Variants in NCOA7 observed in about 807,000 individuals in gnomAD.
NCOA7 encodes 140 kDa estrogen receptor-associated protein.
In NCOA7, 45 loss-of-function variants were observed where a neutral mutation model predicts 104.3. The observed-to-expected ratio is 0.43, with a 90% confidence interval of 0.34 to 0.55. The LOEUF is 0.55. Ranked by LOEUF, NCOA7 falls within the 20% of genes least tolerant of loss-of-function variation. NCOA7 has a pLI of 0.02. For synonymous variants in NCOA7, 398 were observed against 402.3 expected, an observed-to-expected ratio of 0.99 and a Z score of 0.13; for missense variants, 1,041 against 1,119.7, an observed-to-expected ratio of 0.93 and a Z score of 1.00.
Position 125,864,063 on chromosome 6 carries a change from A to C in NCOA7, c.271+8823A>C, listed in dbSNP as rs77321476. Among the ~76,000 whole-genome samples the C allele has an allele frequency of 1.2e-4, 16 of 137,488 alleles. 4 individuals are homozygous for C. The highest frequency in any genetic ancestry group is 6.2e-4 in the Admixed American group (9 of 14,524). The allele number at this position is 137,488 out of a possible 152,430, so 90.2% of individuals were successfully genotyped here. The stretch of plus-strand genomic sequence containing the variant: ...CTGTTTTTATCAAGACCCTTTTTGC[A>C]TACTCTTTGACCCAACAATTCTGTT... On this transcript the variant is annotated intron_variant, in intron 3 of 15. Transcript: ENST00000392477.
At chr6:125,856,811 C>T (rs894272707) in intron 3 of NCOA7, among the ~76,000 whole-genome samples, 16 of 152,170 alleles carry the variant, frequency 1.1e-4, no homozygotes, top group Admixed American at 6.5e-5. Flanking sequence ...GGCCTTGTAA[C>T]AGAGTAATGA....
intron 2 of NCOA7, among the ~76,000 whole-genome samples, chr6:125,825,730 A>T (rs1016387737): frequency 5.3e-5 from 8 of 151,908 alleles, no homozygotes; most frequent in African/African-American, 1.9e-4. Context: ...TGGCTCCAAC[A>T]TCTTTTTTTT....
At chr6:125,833,871 T>C (rs1029206109) in intron 2 of NCOA7, among the ~76,000 whole-genome samples, 1 of 152,206 alleles carries the variant, frequency 6.6e-6, no homozygotes, top group Admixed American at 6.5e-5. Flanking sequence ...AGAGAAATTA[T>C]AAAGTTAACA....
upstream of NCOA7, among the ~76,000 whole-genome samples, chr6:125,789,258 C>T (rs182067118): frequency 1.4e-3 from 214 of 152,320 alleles, no homozygotes; most frequent in African/African-American, 4.8e-3. Flanking sequence ...CCAAGTCACA[C>T]CCCACTGGGT....
chr6:125,902,661 A>T (rs1362547801), intron 10 of NCOA7, among the ~76,000 whole-genome samples: 1 of 152,160 alleles, frequency 6.6e-6, no homozygotes, highest in African/African-American at 2.4e-5. Flanking sequence ...CCAATTTTTC[A>T]TCAGATTTTC....
chr6:125,856,142 G>A (rs944874456), intron 3 of NCOA7, among the ~76,000 whole-genome samples: 13 of 152,126 alleles, frequency 8.5e-5, no homozygotes, highest in Admixed American at 8.5e-4. Flanking sequence ...ATCAGAACTT[G>A]GCGTGGCATA....
At chr6:125,900,949 A>T (rs151170829) in intron 10 of NCOA7, among the ~76,000 whole-genome samples, 1 of 152,192 alleles carries the variant, frequency 6.6e-6, no homozygotes, top group East Asian at 1.9e-4. Context: ...TTAGGACTGG[A>T]TTTTTAAAGG....
chr6:125,896,418 T>G (rs1014173551), intron 10 of NCOA7, among the ~76,000 whole-genome samples: 5 of 152,228 alleles, frequency 3.3e-5, no homozygotes, highest in African/African-American at 1.2e-4. Flanking sequence ...GAGTGAGCAC[T>G]TTTTATATAA....
chr6:125,789,292 G>A (rs992863078), upstream of NCOA7, among the ~76,000 whole-genome samples: 1 of 152,234 alleles, frequency 6.6e-6, no homozygotes, highest in Admixed American at 6.5e-5. Context: ...GCGCAGTGCA[G>A]CTCCCACAGG....
At chr6:125,903,830 C>T (rs530831509) in intron 10 of NCOA7, among the ~76,000 whole-genome samples, 7 of 152,020 alleles carry the variant, frequency 4.6e-5, no homozygotes, top group African/African-American at 1.7e-4. Flanking sequence ...CTCAGCCTCC[C>T]AAGTAGCTGG....
intron 2 of NCOA7, among the ~76,000 whole-genome samples, chr6:125,847,438 C>G (rs1583362664): frequency 6.6e-6 from 1 of 152,272 alleles, no homozygotes; most frequent in East Asian, 1.9e-4. Context: ...CCACATTGAG[C>G]AATGCCATAC....
At chr6:125,812,883 G>A (rs983345159) in intron 1 of NCOA7, among the ~76,000 whole-genome samples, 1 of 152,124 alleles carries the variant, frequency 6.6e-6, no homozygotes, top group African/African-American at 2.4e-5. Context: ...TATCTACACT[G>A]CATGACTCAT....
chr6:125,890,416 A>C, intron 9 of NCOA7, among the ~76,000 whole-genome samples: 1 of 152,210 alleles, frequency 6.6e-6, no homozygotes, highest in East Asian at 1.9e-4. Flanking sequence ...ACTTATTTTC[A>C]GTATGTAGCA....
At chr6:125,795,350 G>C (rs1010784795) in intron 1 of NCOA7, among the ~76,000 whole-genome samples, 6 of 152,102 alleles carry the variant, frequency 3.9e-5, no homozygotes, top group African/African-American at 1.4e-4. Flanking sequence ...TTTATTTTTA[G>C]AATAGGTAGT....
intron 3 of NCOA7, among the ~76,000 whole-genome samples, chr6:125,874,445 T>C (rs1427877949): frequency 6.6e-6 from 1 of 152,248 alleles, no homozygotes; most frequent in Non-Finnish European, 1.5e-5. Context: ...ATATAGCCTT[T>C]TTCTTCTTTT....
In NCOA7 at chr6:125,888,581, C is replaced by T. The variant is rs547019913; in HGVS notation, c.885-358C>T. 2.6e-4 allele frequency among the ~76,000 whole-genome samples: 40 copies of T among 152,316 alleles called. No individual in the cohort carries two copies. The Middle Eastern group carries it at 0.017, about 65-fold the overall frequency. On this transcript the variant is annotated intron_variant, in intron 8 of 15. Coordinates refer to ENST00000392477, the MANE Select transcript of NCOA7 (RefSeq NM_181782.5). ...ACATTGGTACTAAAATATTTCCTCT[C>T]CTTTATCCTTTCCTTCATGAAAGTC...
intron 2 of NCOA7, among the ~76,000 whole-genome samples, chr6:125,840,250 T>A (rs1252984285): frequency 6.6e-6 from 1 of 152,040 alleles, no homozygotes; most frequent in Non-Finnish European, 1.5e-5. Flanking sequence ...ATAAAGAAAA[T>A]ATTTTTGTAT....
intron 1 of NCOA7, among the ~76,000 whole-genome samples, chr6:125,810,561 A>G (rs62425939): frequency 0.024 from 3,722 of 152,320 alleles, 76 homozygotes; most frequent in Non-Finnish European, 0.037. Context: ...GAATGAAGGA[A>G]AGTCAACATT....
At position 125,833,237 on chromosome 6, in the gene NCOA7, T is replaced by G. The variant is rs539681089; in HGVS notation, c.50+17833T>G. Among the ~76,000 whole-genome samples, 5 of 152,228 alleles carry G rather than the reference T, an allele frequency of 3.3e-5. No homozygotes were observed. In the South Asian group the frequency reaches 8.3e-4, roughly 25 times the overall value. ...GGAAACCAGGACAGATAAATTTGCTTATTATGAAGATCAAACATAAAACAG... is the reference window on the plus strand; with the variant it reads ...GGAAACCAGGACAGATAAATTTGCTGATTATGAAGATCAAACATAAAACAG... On this transcript the variant is annotated intron_variant, in intron 2 of 15. Coordinates refer to ENST00000392477, the MANE Select transcript of NCOA7 (RefSeq NM_181782.5).
Sources: gnomAD v4.1 joint callset for allele counts (sites outside exome capture counted in the v4.1 genomes callset) on GRCh38, gnomAD v4.1.1 for gene constraint, MANE v1.5 for transcripts, NCBI Gene and HGNC (gene_info 2026-07-23, HGNC 2026-07-21) for gene names.